SHISA9: variants seen among roughly 807,000 people sequenced by gnomAD.
SHISA9 encodes the protein protein shisa-9.
In SHISA9, 13 loss-of-function variants were observed where a neutral mutation model predicts 38.0. The observed-to-expected ratio is 0.34, with a 90% CI of 0.22 to 0.54. The LOEUF (loss-of-function observed/expected upper bound fraction) is 0.54, where lower values mean the gene tolerates loss of function less well. Ranked by LOEUF, SHISA9 falls within the 20% of genes least tolerant of loss-of-function variation. The probability of loss-of-function intolerance (pLI) is 0.91; values close to 1 mark genes in which losing one functional copy is unlikely to be tolerated. For missense variants in SHISA9, 538 were observed against 575.8 expected, an observed-to-expected ratio of 0.93 and a Z score of 0.67; for synonymous variants, 275 against 242.0, an observed-to-expected ratio of 1.14 and a Z score of -1.27.
the SHISA9 span, among the ~76,000 whole-genome samples, chr16:13,393,961 CTT>C: frequency 8.5e-5 from 13 of 152,204 alleles, no homozygotes; most frequent in African/African-American, 2.9e-4. Context: ...CACTCACACT[CTT>C]TGCCACGGTG....
At chr16:13,334,991 C>T in the SHISA9 span, among the ~76,000 whole-genome samples, 1 of 152,148 alleles carries the variant, frequency 6.6e-6, no homozygotes, top group South Asian at 2.1e-4. Context: ...GTAACTCCTA[C>T]CTTTGGTTCT....
the SHISA9 span, among the ~76,000 whole-genome samples, chr16:13,288,644 A>C: frequency 2.0e-5 from 3 of 152,076 alleles, no homozygotes. Context: ...AAATAGAAAA[A>C]TTAGCTGTGT....
At chr16:13,446,167 G>A in the SHISA9 span, among the ~76,000 whole-genome samples, 1 of 151,848 alleles carries the variant, frequency 6.6e-6, no homozygotes, top group African/African-American at 2.4e-5. Context: ...GGATGGTCTC[G>A]GTCTCCTGAC....
chr16:13,098,063 C>A (rs1294979557), intron 2 of SHISA9, among the ~76,000 whole-genome samples: 1 of 152,174 alleles, frequency 6.6e-6, no homozygotes, highest in Non-Finnish European at 1.5e-5. Flanking sequence ...ACTGTTACCA[C>A]CCCATTTCGC....
the SHISA9 span, among the ~76,000 whole-genome samples, chr16:13,509,763 A>G: frequency 6.6e-6 from 1 of 152,186 alleles, no homozygotes; most frequent in African/African-American, 2.4e-5. Flanking sequence ...ATATTATGAC[A>G]TTTAATTTTT....
the SHISA9 span, among the ~76,000 whole-genome samples, chr16:13,466,743 C>A: frequency 6.6e-6 from 1 of 152,002 alleles, no homozygotes; most frequent in Non-Finnish European, 1.5e-5. Flanking sequence ...TTCTTTTATT[C>A]CTTTATCATG....
chr16:13,301,395 GCC>G, the SHISA9 span, among the ~76,000 whole-genome samples: 1 of 152,124 alleles, frequency 6.6e-6, no homozygotes, highest in African/African-American at 2.4e-5. Context: ...TTTTGAATAG[GCC>G]CCCACATAAT....
intron 2 of SHISA9, among the ~76,000 whole-genome samples, chr16:13,020,712 G>C (rs2072841974): frequency 6.6e-6 from 1 of 152,114 alleles, no homozygotes; most frequent in Non-Finnish European, 1.5e-5. Flanking sequence ...CGTATCCTTT[G>C]TATCTCCACC....
At chr16:13,209,871 G>A (rs1450024440) in intron 3 of SHISA9, among the ~76,000 whole-genome samples, 2 of 152,320 alleles carry the variant, frequency 1.3e-5, no homozygotes, top group Middle Eastern at 3.4e-3. Flanking sequence ...GGAGGCCAAG[G>A]CGATGGATCA....
At chr16:12,978,665 C>G (rs887631119) in intron 2 of SHISA9, among the ~76,000 whole-genome samples, 1 of 152,130 alleles carries the variant, frequency 6.6e-6, no homozygotes, top group Non-Finnish European at 1.5e-5. Flanking sequence ...GTCTCATCAC[C>G]TTGGATGAGG....
chr16:12,965,727 C>A (rs191204969), intron 2 of SHISA9, among the ~76,000 whole-genome samples: 1 of 152,154 alleles, frequency 6.6e-6, no homozygotes, highest in African/African-American at 2.4e-5. Context: ...TGAGTACTGT[C>A]CTCTATAAAA....
intron 2 of SHISA9, among the ~76,000 whole-genome samples, chr16:13,022,522 G>C (rs540035650): frequency 6.6e-6 from 1 of 151,936 alleles, no homozygotes; most frequent in African/African-American, 2.4e-5. Flanking sequence ...ATAGAGACGG[G>C]GTTTCACCAT....
intron 2 of SHISA9, among the ~76,000 whole-genome samples, chr16:13,133,013 T>C (rs529205310): frequency 6.6e-6 from 1 of 152,226 alleles, no homozygotes; most frequent in South Asian, 2.1e-4. Context: ...AAAGCCATCA[T>C]TTTTTCATTC....
At chr16:13,494,037 G>A in the SHISA9 span, among the ~76,000 whole-genome samples, 1 of 152,206 alleles carries the variant, frequency 6.6e-6, no homozygotes. Flanking sequence ...AACAGTGGAT[G>A]TTTATTGGAA....
At chr16:12,934,294 G>T (rs1348243393) in intron 2 of SHISA9, among the ~76,000 whole-genome samples, 2 of 152,218 alleles carry the variant, frequency 1.3e-5, no homozygotes, top group East Asian at 3.8e-4. Context: ...ATGTCCTATT[G>T]TGTGTCAATG....
At chr16:13,459,179 A>C in the SHISA9 span, among the ~76,000 whole-genome samples, 1 of 152,156 alleles carries the variant, frequency 6.6e-6, no homozygotes, top group African/African-American at 2.4e-5. Flanking sequence ...ATGAGAAAAA[A>C]ATTATTGAAA....
intron 2 of SHISA9, among the ~76,000 whole-genome samples, chr16:13,023,365 C>T (rs1261344767): frequency 1.3e-5 from 2 of 152,150 alleles, no homozygotes; most frequent in Admixed American, 6.5e-5. Context: ...TTTTTTATGG[C>T]TGCACAGTAT....
intron 4 of SHISA9, among the ~76,000 whole-genome samples, chr16:13,226,785 G>A (rs983003845): frequency 2.0e-5 from 3 of 152,206 alleles, no homozygotes; most frequent in African/African-American, 7.2e-5. Flanking sequence ...GGTTAGTTGT[G>A]TTGAACAGGG....
At chr16:13,161,144 G>A (rs2050591802) in intron 2 of SHISA9, among the ~76,000 whole-genome samples, 1 of 152,158 alleles carries the variant, frequency 6.6e-6, no homozygotes, top group Non-Finnish European at 1.5e-5. Flanking sequence ...GGAGTTGGAG[G>A]CAGAGAGAAT....
Sources: gnomAD v4.1 joint callset for allele counts (sites outside exome capture counted in the v4.1 genomes callset) on GRCh38, gnomAD v4.1.1 for gene constraint, MANE v1.5 for transcripts, NCBI Gene and HGNC (gene_info 2026-07-23, HGNC 2026-07-21) for gene names.